FMN1: variants seen among roughly 807,000 people sequenced by gnomAD.
FMN1 encodes formin 1, also known as formin-1.
A neutral mutation model predicts 132.4 loss-of-function variants in FMN1; 110 were observed. The ratio of observed to expected loss-of-function variants is 0.83; its 90% confidence interval spans 0.71 to 0.97. FMN1 has a LOEUF of 0.97. FMN1 is among the 50% of genes least tolerant of loss of function. FMN1 has a pLI of 0.00. For synonymous variants in FMN1, 722 were observed against 651.7 expected, an observed-to-expected ratio of 1.11 and a Z score of -1.64; for missense variants, 1,792 against 1,705.3, an observed-to-expected ratio of 1.05 and a Z score of -0.90.
In FMN1 at chr15:33,119,788, A is replaced by G. The variant is rs576355637; in HGVS notation, c.1868-30814T>C. On this transcript the variant is annotated intron_variant, in intron 4 of 20. Coordinates refer to ENST00000616417, the MANE Select transcript of FMN1 (RefSeq NM_001277313.2). ...GTCTTTAAAATGTGTTAGGAATTTC[A>G]TTTTCAGATTTTGAAAGCCAGTCTT... is the stretch of plus-strand genomic sequence containing the variant. 7.2e-5 allele frequency among the ~76,000 whole-genome samples: 11 copies of G among 152,264 alleles called. 1 individual carries two copies. Among genetic ancestry groups the G allele is most frequent in the African/African-American group, 2.2e-4 (9 of 41,554 alleles).
chr15:32,809,080 A>G (rs1248913489), intron 17 of FMN1, among the ~76,000 whole-genome samples: 1 of 152,176 alleles, frequency 6.6e-6, no homozygotes, highest in Non-Finnish European at 1.5e-5. Context: ...AATTTAACAA[A>G]TAACTGGGAG....
chr15:32,809,856 T>C (rs1157402006), intron 17 of FMN1, among the ~76,000 whole-genome samples: 3 of 152,070 alleles, frequency 2.0e-5, no homozygotes, highest in South Asian at 2.1e-4. Flanking sequence ...CCTTTCAGAG[T>C]TGCAACCAAA....
At chr15:32,888,091 A>C in intron 16 of FMN1, 81 bp downstream of exon 16, 2 of 1,263,260 alleles carry the variant, frequency 1.6e-6, no homozygotes, top group Non-Finnish European at 2.1e-6. Flanking sequence ...CACTCTATGA[A>C]CCAGACCTAA....
At chr15:32,814,554 T>C (rs1044351494) in intron 17 of FMN1, among the ~76,000 whole-genome samples, 5 of 152,244 alleles carry the variant, frequency 3.3e-5, no homozygotes, top group African/African-American at 1.2e-4. Context: ...AGCTAAATTT[T>C]TAAAAGAAGG....
At chr15:32,924,207 A>C (rs1345847539) in intron 10 of FMN1, among the ~76,000 whole-genome samples, 2 of 152,162 alleles carry the variant, frequency 1.3e-5, no homozygotes, top group African/African-American at 4.8e-5. Flanking sequence ...AGGCCTATTT[A>C]GCCACCCTCT....
intron 10 of FMN1, among the ~76,000 whole-genome samples, chr15:32,923,796 T>A (rs1260297869): frequency 6.6e-6 from 1 of 152,212 alleles, no homozygotes; most frequent in Non-Finnish European, 1.5e-5. Flanking sequence ...ATGACTTCTA[T>A]CCATGGGGAA....
chr15:33,036,651 T>C (rs1020264258), intron 6 of FMN1, among the ~76,000 whole-genome samples: 2 of 152,234 alleles, frequency 1.3e-5, no homozygotes, highest in African/African-American at 4.8e-5. Flanking sequence ...AAAATTTCTC[T>C]AAGCTACAAT....
chr15:33,066,304 T>G (rs2037722532), intron 5 of FMN1, among the ~76,000 whole-genome samples: 1 of 152,202 alleles, frequency 6.6e-6, no homozygotes, highest in Non-Finnish European at 1.5e-5. Flanking sequence ...ATATCCCTCT[T>G]GCAATATTCC....
At chr15:32,835,782 T>C (rs1242956799) in intron 17 of FMN1, among the ~76,000 whole-genome samples, 2 of 152,194 alleles carry the variant, frequency 1.3e-5, no homozygotes, top group African/African-American at 2.4e-5. Flanking sequence ...AAGTGAAGCT[T>C]GTAAAGTCAT....
At chr15:33,019,400 G>A (rs2035286165) in intron 6 of FMN1, among the ~76,000 whole-genome samples, 1 of 152,210 alleles carries the variant, frequency 6.6e-6, no homozygotes, top group Non-Finnish European at 1.5e-5. Context: ...GACCCCACCA[G>A]ACTCAGGAGC....
At chr15:32,883,334 T>C (rs1266110041) in intron 16 of FMN1, among the ~76,000 whole-genome samples, 1 of 151,630 alleles carries the variant, frequency 6.6e-6, no homozygotes, top group Non-Finnish European at 1.5e-5. Context: ...TGAGACCCTG[T>C]CTGTACAAAA....
At chr15:32,979,253 T>C (rs939852287) in intron 7 of FMN1, among the ~76,000 whole-genome samples, 23 of 152,086 alleles carry the variant, frequency 1.5e-4, no homozygotes, top group African/African-American at 5.6e-4. Context: ...TACCAGATCC[T>C]GTGGAAAATA....
chr15:33,130,368 C>A (rs989735061), intron 4 of FMN1, among the ~76,000 whole-genome samples: 2 of 152,036 alleles, frequency 1.3e-5, no homozygotes, highest in Non-Finnish European at 2.9e-5. Context: ...TTTTCAAATG[C>A]TTAAGGTTAA....
chr15:32,849,941 G>A (rs762901892), intron 17 of FMN1, among the ~76,000 whole-genome samples: 1 of 152,214 alleles, frequency 6.6e-6, no homozygotes, highest in African/African-American at 2.4e-5. Flanking sequence ...ACAGGCTTAA[G>A]CCACTGCGCC....
intron 6 of FMN1, among the ~76,000 whole-genome samples, chr15:33,059,278 A>G (rs962278807): frequency 1.3e-5 from 2 of 152,142 alleles, no homozygotes; most frequent in Admixed American, 6.5e-5. Flanking sequence ...AACATAGTTT[A>G]TTTATCCATT....
intron 17 of FMN1, among the ~76,000 whole-genome samples, chr15:32,856,662 G>C (rs2059138434): frequency 6.6e-6 from 1 of 152,212 alleles, no homozygotes; most frequent in African/African-American, 2.4e-5. Context: ...CCACAAATGT[G>C]AAATGCATGA....
chr15:33,190,083 T>C (rs758847823), intron 2 of FMN1, among the ~76,000 whole-genome samples: 5 of 152,204 alleles, frequency 3.3e-5, no homozygotes, highest in African/African-American at 4.8e-5. Context: ...CATAACAATG[T>C]TTGCTCAGTT....
chr15:32,800,900 T>C (rs2057455685), intron 18 of FMN1, among the ~76,000 whole-genome samples: 1 of 152,178 alleles, frequency 6.6e-6, no homozygotes, highest in Admixed American at 6.5e-5. Context: ...AGGGAGGGCA[T>C]GTGATTATTT....
chr15:32,806,308 C>T (rs2057679001), intron 17 of FMN1, among the ~76,000 whole-genome samples: 1 of 152,138 alleles, frequency 6.6e-6, no homozygotes, highest in Non-Finnish European at 1.5e-5. Flanking sequence ...ATGACTTTGG[C>T]AAGTTAGTTA....
Sources: gnomAD v4.1 joint callset for allele counts (sites outside exome capture counted in the v4.1 genomes callset) on GRCh38, gnomAD v4.1.1 for gene constraint, MANE v1.5 for transcripts, NCBI Gene and HGNC (gene_info 2026-07-23, HGNC 2026-07-21) for gene names.